Variants in BBS9 observed in about 807,000 individuals in gnomAD.
BBS9 encodes Bardet-Biedl syndrome 9.
Under a neutral mutation model 117.7 loss-of-function variants are expected in BBS9, and 89 were observed. The ratio of observed to expected loss-of-function variants is 0.76; its 90% confidence interval spans 0.64 to 0.90. The LOEUF (loss-of-function observed/expected upper bound fraction) is 0.90, where lower values mean the gene tolerates loss of function less well. Ranked by LOEUF, BBS9 falls within the 40% of genes least tolerant of loss-of-function variation. BBS9 has a pLI of 0.00. For missense variants in BBS9, 982 were observed against 1,042.2 expected (o/e 0.94, Z 0.80); for synonymous variants, 379 against 370.9 (o/e 1.02, Z -0.25).
chr7:33,296,519 G>A (rs2128414039), intron 9 of BBS9, among the ~76,000 whole-genome samples: 1 of 152,238 alleles, frequency 6.6e-6, no homozygotes, highest in East Asian at 1.9e-4. Flanking sequence ...TATTGAGATT[G>A]TTGTAACCTA....
chr7:33,589,598 G>A (rs552477507), intron 21 of BBS9, among the ~76,000 whole-genome samples: 3 of 152,086 alleles, frequency 2.0e-5, no homozygotes, highest in Non-Finnish European at 4.4e-5. Flanking sequence ...AGGAAGAAGG[G>A]AATTTAGAAT....
chr7:33,554,595 G>A (rs1854981691), intron 21 of BBS9, among the ~76,000 whole-genome samples: 2 of 152,144 alleles, frequency 1.3e-5, no homozygotes, highest in Admixed American at 6.6e-5. Flanking sequence ...AGAACAGTGT[G>A]TGTGTATGTG....
chr7:33,396,373 T>C (rs1375570866), intron 19 of BBS9, among the ~76,000 whole-genome samples: 1 of 152,126 alleles, frequency 6.6e-6, no homozygotes, highest in Non-Finnish European at 1.5e-5. Context: ...ACATTTTATA[T>C]AACTGAAAAA....
chr7:33,615,244 A>C lies in BBS9; in HGVS notation c.2522-19933A>C, dbSNP rs118109918. Among the ~76,000 whole-genome samples, 1,310 of 152,216 alleles carry C rather than the reference A, an allele frequency of 8.6e-3. 17 individuals are homozygous for C. The highest frequency in any genetic ancestry group is 0.014 in the Non-Finnish European group (953 of 67,978). On this transcript the variant is annotated intron_variant, in intron 21 of 21. Coordinates refer to the BBS9 transcript ENST00000671952. Reference sequence around the variant, plus strand: ...TAAATGGCCAAAAATACAGTTTGAAAAGACATTTCAAGCATCAGAACCAGA... The same window carrying C: ...TAAATGGCCAAAAATACAGTTTGAACAGACATTTCAAGCATCAGAACCAGA...
chr7:33,588,277 C>T (rs543874309), intron 21 of BBS9, among the ~76,000 whole-genome samples: 2 of 152,158 alleles, frequency 1.3e-5, no homozygotes, highest in South Asian at 4.2e-4. Flanking sequence ...TTTTGGTTCA[C>T]AGAGCAGCCA....
At chr7:33,316,466 C>A (rs1485605187) in intron 9 of BBS9, among the ~76,000 whole-genome samples, 1 of 152,130 alleles carries the variant, frequency 6.6e-6, no homozygotes, top group Non-Finnish European at 1.5e-5. Flanking sequence ...CTTTAAGAAA[C>A]TGCCAAAACT....
chr7:33,568,690 A>T (rs78850676), intron 21 of BBS9, among the ~76,000 whole-genome samples: 1 of 152,212 alleles, frequency 6.6e-6, no homozygotes, highest in Non-Finnish European at 1.5e-5. Context: ...TCTAACTTCT[A>T]TAAGAGCTTA....
chr7:33,143,563 A>G (rs2128087341), intron 1 of BBS9, among the ~76,000 whole-genome samples: 1 of 151,752 alleles, frequency 6.6e-6, no homozygotes, highest in South Asian at 2.1e-4. Context: ...GGCCATTTGT[A>G]TATCTTTTTT....
intron 17 of BBS9, among the ~76,000 whole-genome samples, chr7:33,382,489 C>A (rs929598990): frequency 6.6e-6 from 1 of 150,704 alleles, no homozygotes; most frequent in Non-Finnish European, 1.5e-5. Context: ...TGTATAAATT[C>A]CTTTAAAGGG....
chr7:33,234,995 G>T (rs192923637), intron 5 of BBS9, among the ~76,000 whole-genome samples: 23 of 152,068 alleles, frequency 1.5e-4, no homozygotes, highest in African/African-American at 5.5e-4. Context: ...TTTTGGTTTT[G>T]AATTTAATAT....
chr7:33,476,617 T>C (rs1841838088), intron 19 of BBS9, among the ~76,000 whole-genome samples: 1 of 152,204 alleles, frequency 6.6e-6, no homozygotes, highest in Admixed American at 6.5e-5. Flanking sequence ...CTTCCTGCTG[T>C]TGCTAATCTC....
chr7:33,215,262 T>C (rs1788834436), intron 5 of BBS9, among the ~76,000 whole-genome samples: 1 of 152,164 alleles, frequency 6.6e-6, no homozygotes, highest in African/African-American at 2.4e-5. Flanking sequence ...AGCTATAGTA[T>C]ACAAATCAGC....
intron 17 of BBS9, among the ~76,000 whole-genome samples, chr7:33,373,088 G>T (rs898912251): frequency 6.6e-6 from 1 of 151,532 alleles, no homozygotes; most frequent in Non-Finnish European, 1.5e-5. Context: ...CCAGCTCTTT[G>T]TTTTGTTGAT....
At chr7:33,402,873 AGT>A (rs534552212) in intron 19 of BBS9, among the ~76,000 whole-genome samples, 17 of 151,890 alleles carry the variant, frequency 1.1e-4, no homozygotes, top group Admixed American at 1.1e-3. Context: ...ATATCGCTCC[AGT>A]GTCTGTTGTT....
At chr7:33,484,198 A>G (rs1053280853) in intron 19 of BBS9, among the ~76,000 whole-genome samples, 2 of 152,212 alleles carry the variant, frequency 1.3e-5, no homozygotes, top group Non-Finnish European at 2.9e-5. Flanking sequence ...TATACATGTT[A>G]ATCAATAGAG....
In BBS9 at chr7:33,410,301, T is replaced by C. The variant is rs569672554; in HGVS notation, c.2115+22157T>C. On this transcript the variant is annotated intron_variant, in intron 19 of 22. Coordinates refer to ENST00000242067, the MANE Select transcript of BBS9 (RefSeq NM_198428.3). ...TCAAATGTTTTCTTCTCTGCACCCA[T>C]GAGTCCCTTGCTTTATATCTTACTT... is the stretch of plus-strand genomic sequence containing the variant. 1.4e-4 allele frequency among the ~76,000 whole-genome samples: 22 copies of C among 152,346 alleles called. No individual in the cohort carries two copies. The South Asian group carries it at 4.4e-3, about 30-fold the overall frequency.
intron 21 of BBS9, among the ~76,000 whole-genome samples, chr7:33,558,798 G>GT (rs1855662580): frequency 6.6e-6 from 1 of 151,646 alleles, no homozygotes; most frequent in African/African-American, 2.4e-5. Flanking sequence ...TCACTTGAAA[G>GT]TGGAGAGAGT....
At chr7:33,527,938 A>G (rs1268065083) in intron 20 of BBS9, among the ~76,000 whole-genome samples, 2 of 152,336 alleles carry the variant, frequency 1.3e-5, no homozygotes, top group East Asian at 1.9e-4. Flanking sequence ...TTAATTTAGA[A>G]CTAAAGTACC....
At chr7:33,455,782 A>C (rs371233771) in intron 19 of BBS9, among the ~76,000 whole-genome samples, 1 of 152,330 alleles carries the variant, frequency 6.6e-6, no homozygotes, top group African/African-American at 2.4e-5. Context: ...TGTATTAATA[A>C]GAAAAATCTG....
Sources: allele counts gnomAD v4.1 joint callset (sites outside exome capture counted in the v4.1 genomes callset), GRCh38; gene constraint gnomAD v4.1.1; transcripts MANE v1.5; gene names NCBI Gene and HGNC (gene_info 2026-07-23, HGNC 2026-07-21).